The following CCDC170 variants were observed in gnomAD, a reference collection of about 807,000 sequenced individuals.
The protein encoded by CCDC170 is coiled-coil domain-containing protein 170.
CCDC170 carries 69 observed loss-of-function variants against 72.6 expected under a neutral mutation model. The ratio of observed to expected loss-of-function variants is 0.95; its 90% CI spans 0.78 to 1.16. CCDC170 has a LOEUF of 1.16. Ranked by LOEUF, CCDC170 falls within the 50% of genes most tolerant of loss-of-function variation. CCDC170 has a pLI of 0.00. For missense variants in CCDC170, 852 were observed against 832.5 expected (o/e 1.02, Z -0.29); for synonymous variants, 300 against 303.9 (o/e 0.99, Z 0.13).
At chr6:151,574,610 C>T (rs1776275267) in intron 6 of CCDC170, among the ~76,000 whole-genome samples, 1 of 152,082 alleles carries the variant, frequency 6.6e-6, no homozygotes, top group Non-Finnish European at 1.5e-5. Flanking sequence ...TAGCTAAGCC[C>T]GCGAGCAACA....
intron 7 of CCDC170, among the ~76,000 whole-genome samples, chr6:151,592,765 G>C (rs1776561669): frequency 6.6e-6 from 1 of 152,158 alleles, no homozygotes; most frequent in Non-Finnish European, 1.5e-5. Flanking sequence ...GCCTGAGAGG[G>C]GCATGGTTGC....
At chr6:151,543,984 T>C (rs56110951) in intron 3 of CCDC170, among the ~76,000 whole-genome samples, 3 of 152,302 alleles carry the variant, frequency 2.0e-5, no homozygotes, top group Non-Finnish European at 4.4e-5. Flanking sequence ...TCCAATACAC[T>C]TTAAAGACTG....
At chr6:151,598,731 G>A (rs1776660774) in intron 9 of CCDC170, among the ~76,000 whole-genome samples, 1 of 152,184 alleles carries the variant, frequency 6.6e-6, no homozygotes, top group East Asian at 1.9e-4. Flanking sequence ...GGCATTGTAT[G>A]AATAAAAACA....
chr6:151,566,608 T>C (rs1160319586), intron 5 of CCDC170, among the ~76,000 whole-genome samples: 1 of 152,172 alleles, frequency 6.6e-6, no homozygotes, highest in East Asian at 1.9e-4. Context: ...TTTTCGATAA[T>C]GAAAATCAGA....
intron 1 of CCDC170, among the ~76,000 whole-genome samples, chr6:151,508,057 A>ATAC (rs1214194858): frequency 2.0e-5 from 3 of 152,246 alleles, no homozygotes; most frequent in Non-Finnish European, 4.4e-5. Context: ...GAAACTGATG[A>ATAC]GTATTGAAAT....
At chr6:151,579,891 AGCAAAGTCTAC>A (rs1212443628) in intron 6 of CCDC170, among the ~76,000 whole-genome samples, 1 of 152,220 alleles carries the variant, frequency 6.6e-6, no homozygotes, top group African/African-American at 2.4e-5. Flanking sequence ...GAGTCTTCAT[AGCAAAGTCTAC>A]GAATTTCAGA....
At chr6:151,573,558 T>C in intron 6 of CCDC170, 67 bp downstream of exon 6, 1 of 1,422,090 alleles carries the variant, frequency 7.0e-7, no homozygotes, top group Non-Finnish European at 9.7e-7. Flanking sequence ...GCATGCTCAG[T>C]GACTGTATTA....
intron 9 of CCDC170, among the ~76,000 whole-genome samples, chr6:151,606,426 T>C (rs1776785679): frequency 6.6e-6 from 1 of 152,222 alleles, no homozygotes; most frequent in African/African-American, 2.4e-5. Context: ...ATTTGTAGAA[T>C]TTCCAAAGTT....
intron 1 of CCDC170, among the ~76,000 whole-genome samples, chr6:151,515,627 G>A (rs185214584): frequency 6.6e-6 from 1 of 152,154 alleles, no homozygotes; most frequent in East Asian, 1.9e-4. Context: ...CAGGTAGCAG[G>A]CTTCAGAGAC....
chr6:151,573,634 A>C, intron 6 of CCDC170, 143 bp downstream of exon 6: 1 of 852,904 alleles, frequency 1.2e-6, no homozygotes. Context: ...AAGAGGTTTA[A>C]TGGATTCACA....
chr6:151,561,695 T>C (rs1222141680), intron 5 of CCDC170, among the ~76,000 whole-genome samples: 2 of 152,072 alleles, frequency 1.3e-5, no homozygotes, highest in African/African-American at 4.8e-5. Context: ...GCCTTGGGAA[T>C]GGTCTTCTTG....
intron 5 of CCDC170, among the ~76,000 whole-genome samples, chr6:151,567,111 G>C (rs1583029646): frequency 6.6e-6 from 1 of 152,070 alleles, no homozygotes; most frequent in Non-Finnish European, 1.5e-5. Flanking sequence ...TAGAGACGGG[G>C]TTTCTCCATG....
At chr6:151,579,078 G>A (rs1776345539) in intron 6 of CCDC170, among the ~76,000 whole-genome samples, 1 of 151,918 alleles carries the variant, frequency 6.6e-6, no homozygotes. Context: ...TTTGTTTAAA[G>A]GTATGTATTC....
At chr6:151,564,614 G>A (rs975957470) in intron 5 of CCDC170, among the ~76,000 whole-genome samples, 1 of 152,130 alleles carries the variant, frequency 6.6e-6, no homozygotes, top group African/African-American at 2.4e-5. Flanking sequence ...GTGATGGCTG[G>A]GCAGGCCAGG....
intron 6 of CCDC170, among the ~76,000 whole-genome samples, chr6:151,584,635 G>T (rs370678201): frequency 6.6e-6 from 1 of 152,148 alleles, no homozygotes; most frequent in South Asian, 2.1e-4. Flanking sequence ...GTGGTTAAAA[G>T]AAATTTCATG....
chr6:151,513,748 G>A (rs999893463), intron 1 of CCDC170, among the ~76,000 whole-genome samples: 2 of 150,824 alleles, frequency 1.3e-5, no homozygotes, highest in Admixed American at 6.6e-5. Flanking sequence ...TGAAAACCCC[G>A]TCTCTACTAA....
chr6:151,591,805 A>G (rs114936926), intron 7 of CCDC170, among the ~76,000 whole-genome samples: 1 of 152,060 alleles, frequency 6.6e-6, no homozygotes, highest in Non-Finnish European at 1.5e-5. Context: ...CTGCATTAAA[A>G]AATTTTAAAG....
chr6:151,576,067 A>T (rs2115093376), intron 6 of CCDC170, among the ~76,000 whole-genome samples: 1 of 152,332 alleles, frequency 6.6e-6, no homozygotes, highest in African/African-American at 2.4e-5. Context: ...AATTTAAAAA[A>T]TTTTCAACTT....
At chr6:151,526,145 C>G (rs1689553018) in intron 1 of CCDC170, among the ~76,000 whole-genome samples, 1 of 149,210 alleles carries the variant, frequency 6.7e-6, no homozygotes, top group African/African-American at 2.5e-5. Flanking sequence ...CCCTCCCTCC[C>G]TCTCTCCCTC....
Sources: allele counts gnomAD v4.1 joint callset (sites outside exome capture counted in the v4.1 genomes callset), GRCh38; gene constraint gnomAD v4.1.1; transcripts MANE v1.5; gene names NCBI Gene and HGNC (gene_info 2026-07-23, HGNC 2026-07-21).